Variants in TBR1 observed in about 807,000 individuals in gnomAD.
TBR1 encodes T-box brain transcription factor 1.
A neutral mutation model predicts 60.3 loss-of-function variants in TBR1; 7 were observed. The ratio of observed to expected loss-of-function variants is 0.12; its 90% confidence interval spans 0.07 to 0.22. The LOEUF (loss-of-function observed/expected upper bound fraction) is 0.22, where lower values mean the gene tolerates loss of function less well. Ranked by LOEUF, TBR1 falls within the 10% of genes least tolerant of loss-of-function variation. TBR1 has a pLI of 1.00. For synonymous variants in TBR1, 417 were observed against 409.9 expected (o/e 1.02, Z -0.21); for missense variants, 616 against 936.8 (o/e 0.66, Z 4.47).
intron 4 of TBR1, 154 bp from the exon 5 acceptor site, chr2:161,420,042 C>T (rs1228120707): frequency 6.3e-6 from 3 of 475,796 alleles, no homozygotes; most frequent in African/African-American, 2.0e-5. Context: ...TTTTTCCTTT[C>T]CACTCAATCC....
intron 3 of TBR1, 110 bp downstream of exon 3, chr2:161,418,432 C>T: frequency 7.1e-7 from 1 of 1,404,746 alleles, no homozygotes; most frequent in Non-Finnish European, 9.5e-7. Flanking sequence ...TTCTTTGCTT[C>T]ATTAAAAAGA....
chr2:161,424,405 CA>C lies in TBR1; in HGVS notation c.*179del, dbSNP rs1284802516. 1.0e-5 allele frequency: 7 copies of C among 698,412 alleles called. No homozygotes were observed. In the East Asian group the frequency reaches 2.0e-4, roughly 20 times the overall value. The allele number at this position is 698,412 out of a possible 1,614,324, so 43.3% of individuals were successfully genotyped here. On this transcript the variant is annotated 3_prime_UTR_variant, in exon 6 of 6. Coordinates refer to ENST00000389554, the MANE Select transcript of TBR1 (RefSeq NM_006593.4). This position sits in a 1 kb window ranked among gnomAD's most constrained non-coding sequence, Gnocchi z 4.4. ...CCGAGCGTGATTTTAACCTTTTTTG[CA>C]CAGCAGTCTCTGCAATTAGCTCACC...
intron 3 of TBR1, 137 bp from the exon 4 acceptor site, chr2:161,418,755 C>T (rs1228532741): frequency 8.2e-7 from 1 of 1,217,246 alleles, no homozygotes; most frequent in Admixed American, 3.0e-5. Flanking sequence ...CCAGGCGAGT[C>T]CCGCGGTCAG....
chr2:161,418,725 C>CCCAG (rs1390406088), intron 3 of TBR1, 167 bp from the exon 4 acceptor site: 27 of 968,846 alleles, frequency 2.8e-5, no homozygotes, highest in Non-Finnish European at 3.8e-5. Flanking sequence ...GCCGGTCTGC[C>CCCAG]CCAGCCAGCC....
Position 161,423,839 on chromosome 2 carries a change from G to A in TBR1, c.1661G>A (p.Cys554Tyr). The change falls in exon 6 of 6, where the codon TGC becomes TAC. Residue 554 changes from cysteine (C) to tyrosine (Y), a missense_variant. Around this residue, in one of 8 missense-constraint regions of TBR1, gnomAD observed 210 missense variants for 297.4 expected, o/e 0.71. Coordinates refer to ENST00000389554, the MANE Select transcript of TBR1 (RefSeq NM_006593.4). ...GGCGCCCGCAGTCCCCCGCAGTACT[G>A]CGGCACCAAGTCGGGCTCGGTGCTG... The part of the protein sequence containing the change: ...GWGARSPPQY[C>Y]GTKSGSVLPC... 1.4e-6 allele frequency: 2 copies of A among 1,465,998 alleles called. No individual in the cohort carries two copies. Among genetic ancestry groups the A allele is most frequent in the Non-Finnish European group, 1.8e-6 (2 of 1,111,956 alleles). 90.8% of individuals were successfully genotyped at this position (1,465,998 alleles called of 1,614,324 possible).
Position 161,423,582 on chromosome 2 carries a change from G to A in TBR1, c.1404G>A (p.Leu468=). 1.3e-6 allele frequency: 2 copies of A among 1,544,690 alleles called. No individual in the cohort carries two copies. The highest frequency in any genetic ancestry group is 1.7e-6 in the Non-Finnish European group (2 of 1,151,008). The change falls in exon 6 of 6, where the codon CTG becomes CTA. Residue 468 remains leucine (L), a synonymous_variant. Transcript: ENST00000389554. ...DRSVPHTNGL[L]SPQQAEDPGA... ...GCGTGCCGCACACCAACGGGCTGCT[G>A]TCGCCGCAGCAGGCCGAGGACCCGG...
chr2:161,418,533 G>A, intron 3 of TBR1: 1 of 672,168 alleles, frequency 1.5e-6, no homozygotes, highest in Non-Finnish European at 2.4e-6. Flanking sequence ...ATTTTGGAGT[G>A]CCCGACCTTC....
At chr2:161,420,027 C>A (rs1684202309) in intron 4 of TBR1, 169 bp from the exon 5 acceptor site, 1 of 464,618 alleles carries the variant, frequency 2.2e-6, no homozygotes, top group African/African-American at 2.0e-5. Flanking sequence ...ATGATACTTT[C>A]TCTTTTTTTC....
chr2:161,417,115 T>A lies in TBR1; in HGVS notation c.692+13T>A. ...CCAAACAGGGAAGGTAATACTACATTTTTGGCTGCCGCTGCTCTAGGCGCA... is the reference window on the plus strand; with the variant it reads ...CCAAACAGGGAAGGTAATACTACATATTTGGCTGCCGCTGCTCTAGGCGCA... On this transcript the variant is annotated intron_variant, in intron 1 of 5. Coordinates refer to ENST00000389554, the MANE Select transcript of TBR1 (RefSeq NM_006593.4). The surrounding 1 kb of genome is among the most constrained non-coding windows in gnomAD (Gnocchi z 5.3). 3.8e-6 allele frequency: 6 copies of A among 1,566,646 alleles called. No homozygotes were observed. In the African/African-American group the frequency reaches 4.1e-5, roughly 11 times the overall value.
intron 5 of TBR1, chr2:161,421,430 A>T (rs1306532507): frequency 6.6e-6 from 1 of 152,254 alleles, no homozygotes; most frequent in East Asian, 1.9e-4. Flanking sequence ...CATCAATATG[A>T]TTCCCCAGAA....
chr2:161,423,539 G>T lies in TBR1; in HGVS notation c.1361G>T (p.Gly454Val). ...RFHPGAGAGP[G>V]PGTDRSVPHT... ...CACCCGGGCGCGGGCGCGGGCCCCG[G>T]GCCGGGTACGGACCGCAGCGTGCCG... The change falls in exon 6 of 6, where the codon GGG (glycine) becomes GTG (valine). Residue 454 changes from glycine to valine, a missense_variant. This residue lies in a region of TBR1 where 80 missense variants were observed against 75.3 expected (regional missense o/e 1.06). Coordinates refer to ENST00000389554, the MANE Select transcript of TBR1 (RefSeq NM_006593.4). 1 of 1,575,852 alleles carries T rather than the reference G, an allele frequency of 6.3e-7. No individual in the cohort carries two copies.
At chr2:161,418,799 C>G in intron 3 of TBR1, 93 bp from the exon 4 acceptor site, 1 of 1,494,892 alleles carries the variant, frequency 6.7e-7, no homozygotes, top group Non-Finnish European at 8.9e-7. Flanking sequence ...GCTGCCTCCG[C>G]CGGCCCGGGC....
At chr2:161,419,173 G>A (rs1395860304) in intron 4 of TBR1, 123 bp downstream of exon 4, 2 of 1,464,890 alleles carry the variant, frequency 1.4e-6, no homozygotes, top group Non-Finnish European at 1.9e-6. Flanking sequence ...AGCTGGCTCC[G>A]CTGTGCGTTT....
intron 5 of TBR1, chr2:161,422,365 C>T (rs1684246571): frequency 6.6e-6 from 1 of 152,178 alleles, no homozygotes; most frequent in African/African-American, 2.4e-5. Context: ...TAAGGTAATT[C>T]CCAACAACAC....
rs1234586175 is a variant in TBR1 at position 161,423,750 on chromosome 2, G to A, written c.1572G>A (p.Leu524=). The A allele has an allele frequency of 6.0e-6, 9 of 1,505,310 alleles. No homozygotes were observed. Among genetic ancestry groups the A allele is most frequent in the Non-Finnish European group, 7.9e-6 (9 of 1,133,954 alleles). The allele number at this position is 1,505,310 out of a possible 1,614,324, so 93.2% of individuals were successfully genotyped here. ...LSYAAAGVKA[L]PLQAAGCTGR... is the part of the protein sequence containing the mutation. ...ACGCGGCGGCGGGCGTGAAGGCGCT[G>A]CCGCTGCAGGCTGCAGGCTGCACTG... is the stretch of plus-strand genomic sequence containing the variant. The change falls in exon 6 of 6, where the codon CTG becomes CTA. Residue 524 remains leucine (L), a synonymous_variant. Coordinates refer to ENST00000389554, the MANE Select transcript of TBR1 (RefSeq NM_006593.4).
At chr2:161,422,500 T>C (rs2105281841) in intron 5 of TBR1, 1 of 152,338 alleles carries the variant, frequency 6.6e-6, no homozygotes, top group East Asian at 1.9e-4. Context: ...TCCGTAAAGG[T>C]TAGCTATTAT....
chr2:161,422,194 A>C (rs1043410249), intron 5 of TBR1: 2 of 152,244 alleles, frequency 1.3e-5, no homozygotes, highest in East Asian at 3.8e-4. Context: ...CTGTTGACTA[A>C]AGATTAAAAC....
chr2:161,419,683 G>T (rs1184205787), intron 4 of TBR1: 1 of 152,396 alleles, frequency 6.6e-6, no homozygotes, highest in East Asian at 1.9e-4. Flanking sequence ...AGTGATAGGG[G>T]TTTTTGTGTT....
At chr2:161,420,066 G>T in intron 4 of TBR1, 130 bp from the exon 5 acceptor site, 2 of 576,540 alleles carry the variant, frequency 3.5e-6, no homozygotes, top group Non-Finnish European at 2.8e-6. Context: ...AAATTTTTCA[G>T]TTAGGAAAAC....
Sources: allele counts gnomAD v4.1 joint callset, GRCh38; gene constraint gnomAD v4.1.1; regional missense constraint gnomAD v4.1.1; non-coding constraint Gnocchi (gnomAD v3.1); transcripts MANE v1.5; gene names NCBI Gene and HGNC (gene_info 2026-07-23, HGNC 2026-07-21).